The following ADAMTS9 variants were observed in gnomAD, a reference collection of about 807,000 sequenced individuals.
ADAMTS9 encodes the protein A disintegrin and metalloproteinase with thrombospondin motifs 9.
In ADAMTS9, 107 loss-of-function variants were observed where a neutral mutation model predicts 257.1. The ratio of observed to expected loss-of-function variants is 0.42; its 90% CI spans 0.36 to 0.49. The LOEUF is 0.49. ADAMTS9 is among the 20% of genes least tolerant of loss of function. The pLI is 0.03. For missense variants in ADAMTS9, 2,353 were observed against 2,469.1 expected (o/e 0.95, Z 1.00); for synonymous variants, 982 against 880.9 (o/e 1.11, Z -2.03).
At chr3:64,551,444 C>G (rs951752412) in intron 30 of ADAMTS9, among the ~76,000 whole-genome samples, 1 of 152,100 alleles carries the variant, frequency 6.6e-6, no homozygotes, top group Non-Finnish European at 1.5e-5. Context: ...CTCCTGACCT[C>G]GTGATCTGCC....
chr3:64,577,201 A>G (rs1345952537), intron 28 of ADAMTS9, among the ~76,000 whole-genome samples: 1 of 152,154 alleles, frequency 6.6e-6, no homozygotes, highest in Non-Finnish European at 1.5e-5. Context: ...GGTGAATTCT[A>G]TCGTGGCTAT....
intron 12 of ADAMTS9, among the ~76,000 whole-genome samples, chr3:64,636,919 C>T (rs970579235): frequency 2.6e-5 from 4 of 152,164 alleles, no homozygotes; most frequent in Non-Finnish European, 2.9e-5. Flanking sequence ...CACTGTCCTA[C>T]GTTCCAAATT....
intron 22 of ADAMTS9, among the ~76,000 whole-genome samples, chr3:64,607,306 A>G (rs981094025): frequency 3.3e-5 from 5 of 152,208 alleles, no homozygotes; most frequent in Non-Finnish European, 7.3e-5. Flanking sequence ...AATGATATTT[A>G]TAGGGGTTCA....
chr3:64,681,112 T>C, intron 3 of ADAMTS9, 89 bp downstream of exon 3: 2 of 1,446,442 alleles, frequency 1.4e-6, no homozygotes, highest in Non-Finnish European at 1.9e-6. Flanking sequence ...GGTTGCACTT[T>C]GTAGACTGAA....
intron 16 of ADAMTS9, among the ~76,000 whole-genome samples, chr3:64,622,807 T>C (rs919440746): frequency 6.6e-6 from 1 of 152,128 alleles, no homozygotes; most frequent in Non-Finnish European, 1.5e-5. Flanking sequence ...AAAGTGGAGA[T>C]AAAAGCACCT....
Position 64,550,072 on chromosome 3 carries a change from A to C in ADAMTS9, c.4869+820T>G, listed in dbSNP as rs564829704. On this transcript the variant is annotated intron_variant, in intron 31 of 39. Transcript: ENST00000498707. ...ATCTCTAAATGCTTTTGGGCAAATGACAACTGGTTTGACTGCTACAGATCT... is the reference window on the plus strand; with the variant it reads ...ATCTCTAAATGCTTTTGGGCAAATGCCAACTGGTTTGACTGCTACAGATCT... The C allele has an allele frequency of 2.6e-5, 4 of 152,328 alleles. No individual in the cohort carries two copies. The East Asian group carries it at 7.7e-4, about 29-fold the overall frequency. 9.4% of individuals were successfully genotyped at this position (152,328 alleles called of 1,614,324 possible).
chr3:64,604,419 G>A (rs1431859751), intron 23 of ADAMTS9, 88 bp from the exon 24 acceptor site: 2 of 969,756 alleles, frequency 2.1e-6, no homozygotes, highest in Non-Finnish European at 3.0e-6. Flanking sequence ...AAATGTAAAG[G>A]CTAAGAATTC....
intron 28 of ADAMTS9, among the ~76,000 whole-genome samples, chr3:64,576,248 C>T (rs745883547): frequency 5.9e-5 from 9 of 152,158 alleles, no homozygotes; most frequent in Non-Finnish European, 7.4e-5. Context: ...AGAACTCCTG[C>T]GTTTCTCCCT....
chr3:64,572,286 T>C (rs66529583), intron 28 of ADAMTS9, among the ~76,000 whole-genome samples: 42,086 of 152,058 alleles, frequency 0.28, 10,786 homozygotes, highest in African/African-American at 0.65. Flanking sequence ...TGTTCAGAGA[T>C]TGTGTTAACA....
intron 30 of ADAMTS9, among the ~76,000 whole-genome samples, chr3:64,556,729 C>CCTTCCTTT (rs2083340308): frequency 6.7e-6 from 1 of 149,926 alleles, no homozygotes; most frequent in South Asian, 2.1e-4. Context: ...TTCCTTCCTT[C>CCTTCCTTT]CTTCCTTCCT....
intron 39 of ADAMTS9, among the ~76,000 whole-genome samples, chr3:64,517,415 G>GGTTTTTTTTTTTTTT (rs2082788984): frequency 8.7e-5 from 1 of 11,542 alleles, no homozygotes; most frequent in African/African-American, 1.4e-4. Flanking sequence ...AATTAAAAAT[G>GGTTTTTTTTTTTTTT]GTTTTTTTTT....
At chr3:64,578,056 G>C (rs2083898664) in intron 28 of ADAMTS9, among the ~76,000 whole-genome samples, 1 of 152,158 alleles carries the variant, frequency 6.6e-6, no homozygotes, top group Non-Finnish European at 1.5e-5. Context: ...CTTGTGGGTG[G>C]ATATTAATGC....
intron 4 of ADAMTS9, 94 bp from the exon 5 acceptor site, chr3:64,655,969 G>A (rs573254818): frequency 7.0e-6 from 5 of 712,076 alleles, no homozygotes; most frequent in Admixed American, 3.1e-5. Context: ...TCTTTTTTAC[G>A]TTTCTTGCAA....
At chr3:64,576,172 T>C (rs1346554465) in intron 28 of ADAMTS9, among the ~76,000 whole-genome samples, 1 of 152,240 alleles carries the variant, frequency 6.6e-6, no homozygotes, top group Non-Finnish European at 1.5e-5. Flanking sequence ...AGAGGAAAGA[T>C]GCTGTATCTG....
At chr3:64,659,723 A>T (rs1701180486) in intron 3 of ADAMTS9, among the ~76,000 whole-genome samples, 2 of 152,142 alleles carry the variant, frequency 1.3e-5, no homozygotes, top group African/African-American at 2.4e-5. Context: ...AATAAATTAA[A>T]CTCCGAGAGT....
At chr3:64,654,917 T>C (rs961050750) in intron 6 of ADAMTS9, among the ~76,000 whole-genome samples, 2 of 152,192 alleles carry the variant, frequency 1.3e-5, no homozygotes, top group Non-Finnish European at 2.9e-5. Flanking sequence ...TCGTAAAGAC[T>C]CTTTGAGAAC....
chr3:64,687,334 TA>T lies in ADAMTS9; in HGVS notation c.115+208del, dbSNP rs955116519. 3.8e-4 allele frequency among the ~76,000 whole-genome samples: 57 copies of T among 151,780 alleles called. 2 individuals carry two copies. The highest frequency in any genetic ancestry group is 1.1e-3 in the African/African-American group (45 of 41,208). On this transcript the variant is annotated intron_variant, in intron 1 of 39. Coordinates refer to ENST00000498707, the MANE Select transcript of ADAMTS9 (RefSeq NM_182920.2). The surrounding 1 kb of genome is among the most constrained non-coding windows in gnomAD (Gnocchi z 4.4). ...GGGGATATATCTGGCAACAGCAAGG[TA>T]GGGGGGGGTTGCCTAAATTCGTTTC...
chr3:64,642,019 G>A, intron 11 of ADAMTS9, 26 bp from the exon 12 acceptor site: 1 of 1,612,834 alleles, frequency 6.2e-7, no homozygotes, highest in Non-Finnish European at 8.5e-7. Flanking sequence ...GGAATAGTGA[G>A]GGAGACTTGG....
At chr3:64,589,430 T>G (rs1367659788) in intron 28 of ADAMTS9, 1 of 152,178 alleles carries the variant, frequency 6.6e-6, no homozygotes, top group Non-Finnish European at 1.5e-5. Context: ...GTCAGTACCC[T>G]AACGACAAGG....
Sources: allele counts gnomAD v4.1 joint callset (sites outside exome capture counted in the v4.1 genomes callset), GRCh38; gene constraint gnomAD v4.1.1; non-coding constraint Gnocchi (gnomAD v3.1); transcripts MANE v1.5; gene names NCBI Gene and HGNC (gene_info 2026-07-23, HGNC 2026-07-21).